POU6F2: variants seen among roughly 807,000 people sequenced by gnomAD.
POU6F2 encodes the protein POU domain, class 6, transcription factor 2.
In POU6F2, 31 loss-of-function variants were observed where a neutral mutation model predicts 71.3. The ratio of observed to expected loss-of-function variants is 0.43; its 90% CI spans 0.33 to 0.59. The LOEUF (loss-of-function observed/expected upper bound fraction) is 0.59. Among genes scored for constraint, POU6F2 ranks in the 20% least tolerant of loss-of-function variants. POU6F2 has a pLI of 0.04. For missense variants in POU6F2, 783 were observed against 856.8 expected (o/e 0.91, Z 1.07); for synonymous variants, 347 against 355.7 (o/e 0.98, Z 0.27).
chr7:39,108,807 C>T (rs962620790), intron 2 of POU6F2, among the ~76,000 whole-genome samples: 3 of 152,046 alleles, frequency 2.0e-5, no homozygotes, highest in Admixed American at 6.6e-5. Context: ...ATGGAGTATG[C>T]AATAACAAAC....
At chr7:39,128,107 C>T (rs1450528283) in intron 2 of POU6F2, among the ~76,000 whole-genome samples, 5 of 151,924 alleles carry the variant, frequency 3.3e-5, no homozygotes, top group Non-Finnish European at 7.4e-5. Context: ...TCCCAAAGTG[C>T]TAGGATTACA....
chr7:39,043,879 G>T (rs1248652344), intron 1 of POU6F2, among the ~76,000 whole-genome samples: 1 of 151,898 alleles, frequency 6.6e-6, no homozygotes, highest in Non-Finnish European at 1.5e-5. Context: ...CATTGTCCAG[G>T]TTTTCAGGAA....
At chr7:39,087,610 A>G (rs1265660159) in intron 2 of POU6F2, among the ~76,000 whole-genome samples, 7 of 152,224 alleles carry the variant, frequency 4.6e-5, no homozygotes, top group Non-Finnish European at 1.0e-4. Flanking sequence ...AATTACAGAA[A>G]GGTAAAAGCC....
At chr7:39,260,572 C>G (rs1044472825) in intron 4 of POU6F2, among the ~76,000 whole-genome samples, 1 of 151,260 alleles carries the variant, frequency 6.6e-6, no homozygotes, top group African/African-American at 2.4e-5. Context: ...ACACATACCA[C>G]ATTCCACACA....
chr7:39,095,529 T>A (rs745764552), intron 2 of POU6F2, among the ~76,000 whole-genome samples: 1 of 152,212 alleles, frequency 6.6e-6, no homozygotes, highest in Non-Finnish European at 1.5e-5. Context: ...TCTTGTCATC[T>A]GTAGAGTATC....
At chr7:39,273,445 T>G (rs1784375009) in intron 4 of POU6F2, among the ~76,000 whole-genome samples, 1 of 152,210 alleles carries the variant, frequency 6.6e-6, no homozygotes, top group Non-Finnish European at 1.5e-5. Context: ...GAATCAAGAT[T>G]AAAACATCAG....
intron 1 of POU6F2, among the ~76,000 whole-genome samples, chr7:39,065,922 TGAAAA>T (rs1790745368): frequency 6.6e-6 from 1 of 151,658 alleles, no homozygotes; most frequent in Non-Finnish European, 1.5e-5. Flanking sequence ...AAAAAAATAT[TGAAAA>T]GGACTGGAAT....
chr7:39,053,059 G>T (rs1051549212), intron 1 of POU6F2, among the ~76,000 whole-genome samples: 1 of 151,988 alleles, frequency 6.6e-6, no homozygotes, highest in Non-Finnish European at 1.5e-5. Flanking sequence ...AGGGGTGTGG[G>T]GTATATTGAA....
intron 7 of POU6F2, among the ~76,000 whole-genome samples, chr7:39,446,716 T>A (rs1788531558): frequency 6.6e-6 from 1 of 152,258 alleles, no homozygotes; most frequent in Non-Finnish European, 1.5e-5. Flanking sequence ...AGACACTGCA[T>A]CCTGTGCTCC....
intron 6 of POU6F2, among the ~76,000 whole-genome samples, chr7:39,412,919 T>C (rs1185913104): frequency 6.8e-6 from 1 of 147,514 alleles, no homozygotes; most frequent in Non-Finnish European, 1.5e-5. Context: ...TCCTGCCTCA[T>C]CCTCCCAAGT....
At chr7:39,015,967 T>G (rs1789512510) in intron 1 of POU6F2, among the ~76,000 whole-genome samples, 1 of 82,620 alleles carries the variant, frequency 1.2e-5, no homozygotes, top group African/African-American at 5.1e-5. Flanking sequence ...TGTATATTGA[T>G]ATATATTATA....
intron 1 of POU6F2, among the ~76,000 whole-genome samples, chr7:39,039,607 A>G (rs1790138290): frequency 6.6e-6 from 1 of 151,962 alleles, no homozygotes; most frequent in African/African-American, 2.4e-5. Flanking sequence ...GAACTCTATC[A>G]ATTACTTAAA....
chr7:39,194,663 G>A (rs547916283), intron 2 of POU6F2, among the ~76,000 whole-genome samples: 1 of 139,010 alleles, frequency 7.2e-6, no homozygotes, highest in Admixed American at 7.3e-5. Context: ...AGCTAGCAGT[G>A]GTAACCCACT....
At chr7:39,429,452 G>C (rs997629434) in intron 6 of POU6F2, among the ~76,000 whole-genome samples, 1 of 152,134 alleles carries the variant, frequency 6.6e-6, no homozygotes, top group Non-Finnish European at 1.5e-5. Flanking sequence ...CTCATTTGGT[G>C]CTCATCATTT....
intron 1 of POU6F2, among the ~76,000 whole-genome samples, chr7:38,991,214 C>A (rs1361831470): frequency 6.6e-6 from 1 of 152,078 alleles, no homozygotes; most frequent in Non-Finnish European, 1.5e-5. Flanking sequence ...TGTTTAGGAA[C>A]AATTACCATT....
chr7:39,277,600 G>A (rs777541471), intron 4 of POU6F2, among the ~76,000 whole-genome samples: 3 of 152,200 alleles, frequency 2.0e-5, no homozygotes, highest in Non-Finnish European at 4.4e-5. Flanking sequence ...TGTCTAGGAT[G>A]TCAGATCCTT....
intron 4 of POU6F2, among the ~76,000 whole-genome samples, chr7:39,335,256 T>A (rs1239702324): frequency 2.0e-5 from 3 of 152,242 alleles, no homozygotes; most frequent in Non-Finnish European, 4.4e-5. Context: ...CTGTTCCTTA[T>A]AATAACTCGT....
At chr7:39,006,258 GT>G (rs1789065543) in intron 1 of POU6F2, among the ~76,000 whole-genome samples, 1 of 152,198 alleles carries the variant, frequency 6.6e-6, no homozygotes, top group Admixed American at 6.5e-5. Flanking sequence ...GAGGTCAGGA[GT>G]TTGAGGCCAG....
intron 2 of POU6F2, among the ~76,000 whole-genome samples, chr7:39,129,622 T>TAG (rs1792214197): frequency 1.6e-5 from 2 of 126,866 alleles, no homozygotes; most frequent in Non-Finnish European, 3.4e-5. Context: ...AGACAATAGA[T>TAG]ATATAGATAG....
Sources: allele counts gnomAD v4.1 joint callset (sites outside exome capture counted in the v4.1 genomes callset), GRCh38; gene constraint gnomAD v4.1.1; transcripts MANE v1.5; gene names NCBI Gene and HGNC (gene_info 2026-07-23, HGNC 2026-07-21).